The following ASCC3 variants were observed in gnomAD, a reference collection of about 807,000 sequenced individuals.
ASCC3 encodes the protein activating signal cointegrator 1 complex subunit 3, also known as ASC-1 complex subunit P200.
Under a neutral mutation model 256.3 loss-of-function variants are expected in ASCC3, and 158 were observed. The observed-to-expected ratio is 0.62, with a 90% CI of 0.54 to 0.70. The LOEUF (loss-of-function observed/expected upper bound fraction) is 0.70, where lower values mean the gene tolerates loss of function less well. ASCC3 is among the 30% of genes least tolerant of loss of function. ASCC3 has a pLI of 0.00. For synonymous variants in ASCC3, 948 were observed against 883.4 expected (o/e 1.07, Z -1.30); for missense variants, 2,259 against 2,626.0 (o/e 0.86, Z 3.05).
At chr6:100,740,468 G>C (rs1473733839) in intron 10 of ASCC3, among the ~76,000 whole-genome samples, 1 of 152,066 alleles carries the variant, frequency 6.6e-6, no homozygotes, top group Non-Finnish European at 1.5e-5. Context: ...CCAAACCTGG[G>C]GGCAGGTCAT....
intron 30 of ASCC3, among the ~76,000 whole-genome samples, chr6:100,608,399 TTATA>T (rs200386379): frequency 3.9e-5 from 1 of 25,388 alleles, no homozygotes; most frequent in African/African-American, 2.2e-4. Context: ...TATGTATACC[TTATA>T]TATATATACC....
chr6:100,799,556 T>G lies in ASCC3; in HGVS notation c.1144A>C (p.Asn382His). The G allele has an allele frequency of 6.2e-7, 1 of 1,612,608 alleles. No individual in the cohort carries two copies. Among genetic ancestry groups the G allele is most frequent in the Non-Finnish European group, 8.5e-7 (1 of 1,179,342 alleles). Residue 382 changes from asparagine (N) to histidine (H), a missense_variant, in exon 7 of 42, where the codon AAT becomes CAT. Asn to His is a moderately conservative substitution (Grantham distance 68). Coordinates refer to ENST00000369162, the MANE Select transcript of ASCC3 (RefSeq NM_006828.4). ...LRIQREQALL[N>H]ARSVPILSRQ... is the part of the protein sequence containing the mutation. The stretch of plus-strand genomic sequence containing the variant: ...CTCAGAATTGGAACACTTCTAGCAT[T>G]CAGAAGTGCCTGTTCTCTGTAAACA...
intron 25 of ASCC3, among the ~76,000 whole-genome samples, chr6:100,638,001 T>C (rs1313071262): frequency 6.6e-6 from 1 of 152,068 alleles, no homozygotes; most frequent in Non-Finnish European, 1.5e-5. Context: ...TTTGAGAGGG[T>C]TGACTCATTT....
intron 13 of ASCC3, among the ~76,000 whole-genome samples, chr6:100,695,571 A>G (rs1778044047): frequency 1.3e-5 from 2 of 152,154 alleles, no homozygotes; most frequent in South Asian, 2.1e-4. Context: ...AAGGGTAACA[A>G]AAGCCTAGAG....
intron 3 of ASCC3, chr6:100,858,636 T>G (rs769345891): frequency 2.9e-4 from 286 of 990,940 alleles, no homozygotes; most frequent in Non-Finnish European, 3.4e-4. Flanking sequence ...CCACTCATTA[T>G]AAACACTTGA....
chr6:100,864,854 G>C (rs1032975033), intron 2 of ASCC3, among the ~76,000 whole-genome samples: 2 of 152,120 alleles, frequency 1.3e-5, no homozygotes, highest in Admixed American at 6.5e-5. Context: ...TTCTTCTGAG[G>C]CTTTTGTATA....
chr6:100,631,788 C>A (rs1261037804), intron 25 of ASCC3, among the ~76,000 whole-genome samples: 1 of 151,826 alleles, frequency 6.6e-6, no homozygotes, highest in Admixed American at 6.6e-5. Flanking sequence ...CAAACCTATA[C>A]AAAATGTATT....
intron 36 of ASCC3, among the ~76,000 whole-genome samples, chr6:100,547,559 T>C (rs117029339): frequency 0.021 from 3,266 of 152,100 alleles, 52 homozygotes; most frequent in Middle Eastern, 0.1. Context: ...TAACAGATAC[T>C]TTATGTAAAG....
At chr6:100,661,323 T>TCG (rs1435976050) in intron 16 of ASCC3, among the ~76,000 whole-genome samples, 4 of 141,514 alleles carry the variant, frequency 2.8e-5, no homozygotes, top group Admixed American at 2.1e-4. Context: ...AACACAAAAG[T>TCG]CACACACACA....
At chr6:100,628,034 T>C (rs980886843) in intron 27 of ASCC3, 47 bp from the exon 28 acceptor site, 2 of 1,600,674 alleles carry the variant, frequency 1.2e-6, no homozygotes, top group Admixed American at 1.7e-5. Context: ...CAAGCCTGTG[T>C]TGGTCATTGC....
intron 3 of ASCC3, among the ~76,000 whole-genome samples, chr6:100,851,842 G>A (rs1012867435): frequency 3.9e-5 from 6 of 152,126 alleles, no homozygotes; most frequent in African/African-American, 1.4e-4. Context: ...ACGGCATTCT[G>A]AAAACAATGA....
In ASCC3 at chr6:100,642,589, G is replaced by A; in HGVS notation, c.3893C>T (p.Pro1298Leu). The A allele has an allele frequency of 3.1e-6, 5 of 1,613,864 alleles. No individual in the cohort carries two copies. The highest frequency in any genetic ancestry group is 1.1e-5 in the South Asian group (1 of 91,076). ...QHLILPERHP[P>L]HTELLDLQPL... ...AGCATTCACCATGTTACCTGTATGA[G>A]GAGGATGTCTCTCTGGTAGAATTAG... The change falls in exon 24 of 42, where the codon CCT (proline) becomes CTT (leucine). Residue 1298 changes from proline (P) to leucine (L), a missense_variant. Transcript: ENST00000369162.
intron 36 of ASCC3, among the ~76,000 whole-genome samples, chr6:100,584,507 C>T (rs1161933800): frequency 1.3e-5 from 2 of 152,108 alleles, no homozygotes; most frequent in African/African-American, 2.4e-5. Flanking sequence ...GTTTCCTGAA[C>T]ACAGCACGCT....
At chr6:100,708,209 T>C (rs1308707295) in intron 13 of ASCC3, among the ~76,000 whole-genome samples, 1 of 152,174 alleles carries the variant, frequency 6.6e-6, no homozygotes, top group Non-Finnish European at 1.5e-5. Context: ...TTAAAGTGTA[T>C]ATAATACTTG....
intron 4 of ASCC3, among the ~76,000 whole-genome samples, chr6:100,842,641 T>C (rs1429738560): frequency 6.6e-6 from 1 of 152,182 alleles, no homozygotes; most frequent in African/African-American, 2.4e-5. Context: ...ATGTTATTTA[T>C]ACTATAGTAA....
At chr6:100,547,864 T>C (rs1769060196) in intron 36 of ASCC3, among the ~76,000 whole-genome samples, 1 of 151,824 alleles carries the variant, frequency 6.6e-6, no homozygotes, top group Non-Finnish European at 1.5e-5. Flanking sequence ...GCAGCATTAT[T>C]TGTAAAGTGA....
chr6:100,824,348 A>G (rs1315912973), intron 4 of ASCC3, among the ~76,000 whole-genome samples: 1 of 152,230 alleles, frequency 6.6e-6, no homozygotes, highest in Non-Finnish European at 1.5e-5. Flanking sequence ...TGACTACTAG[A>G]GAATTCATTA....
At chr6:100,727,415 G>A (rs897976620) in intron 10 of ASCC3, among the ~76,000 whole-genome samples, 3 of 151,770 alleles carry the variant, frequency 2.0e-5, no homozygotes, top group Non-Finnish European at 4.4e-5. Context: ...AAAATCTCTC[G>A]TGTAATAAAG....
chr6:100,845,763 T>C (rs1772351435), intron 4 of ASCC3, among the ~76,000 whole-genome samples: 1 of 152,158 alleles, frequency 6.6e-6, no homozygotes, highest in African/African-American at 2.4e-5. Flanking sequence ...TTTCTAACAC[T>C]AGTTTAACAA....
Sources: allele counts gnomAD v4.1 joint callset (sites outside exome capture counted in the v4.1 genomes callset), GRCh38; gene constraint gnomAD v4.1.1; transcripts MANE v1.5; gene names NCBI Gene and HGNC (gene_info 2026-07-23, HGNC 2026-07-21).